Variants in EFCAB6 observed in about 807,000 individuals in gnomAD.
EFCAB6 encodes the protein EF-hand calcium-binding domain-containing protein 6.
A neutral mutation model predicts 169.8 loss-of-function variants in EFCAB6; 156 were observed. That is an observed-to-expected ratio of 0.92 (90% CI 0.81 to 1.05). EFCAB6 has a LOEUF of 1.05. Among genes scored for constraint, EFCAB6 ranks in the 50% least tolerant of loss-of-function variants. The pLI is 0.00. For synonymous variants in EFCAB6, 698 were observed against 676.4 expected, an observed-to-expected ratio of 1.03 and a Z score of -0.50; for missense variants, 1,800 against 1,829.1, an observed-to-expected ratio of 0.98 and a Z score of 0.29.
chr22:43,780,722 C>T (rs1378435775), intron 3 of EFCAB6, among the ~76,000 whole-genome samples: 1 of 152,086 alleles, frequency 6.6e-6, no homozygotes, highest in East Asian at 1.9e-4. Flanking sequence ...TAGAAATAGA[C>T]CCCTGAGTTT....
rs368492912 is a variant in EFCAB6 at position 43,590,508 on chromosome 22, C to T, written c.2877-279G>A. Among the ~76,000 whole-genome samples, 61 of 152,162 alleles carry T rather than the reference C, an allele frequency of 4.0e-4. No homozygotes were observed. In the East Asian group the frequency reaches 0.01, roughly 26 times the overall value. Reference sequence around the variant, plus strand: ...TGTACTAGAATCGGTACTTTAAAAACGGAACCAAGAATTGAAAAAGCCAGT... The same window carrying T: ...TGTACTAGAATCGGTACTTTAAAAATGGAACCAAGAATTGAAAAAGCCAGT... On this transcript the variant is annotated intron_variant, in intron 23 of 31. Transcript: ENST00000262726.
rs553747887 is a variant in EFCAB6 at position 43,773,614 on chromosome 22, G to A, written c.140-511C>T. Among the ~76,000 whole-genome samples, 101 of 152,310 alleles carry A rather than the reference G, an allele frequency of 6.6e-4. 1 individual carries two copies. The highest frequency in any genetic ancestry group is 2.4e-3 in the African/African-American group (98 of 41,564). On this transcript the variant is annotated intron_variant, in intron 3 of 31. Transcript: ENST00000262726. Reference sequence around the variant, plus strand: ...TGTAATCCCAGCACTTTGGGAGGCCGAGGCAGGCGGATCACCTGAGGTCAG... The same window carrying A: ...TGTAATCCCAGCACTTTGGGAGGCCAAGGCAGGCGGATCACCTGAGGTCAG...
chr22:43,540,512 GGCCTTCGCTCGGC>G, intron 27 of EFCAB6, 155 bp from the exon 28 acceptor site: 1 of 1,533,514 alleles, frequency 6.5e-7, no homozygotes, highest in East Asian at 2.5e-5. Context: ...ACGCCCATTT[GGCCTTCGCTCGGC>G]GGAGGCCTCA....
intron 22 of EFCAB6, among the ~76,000 whole-genome samples, chr22:43,606,140 C>T (rs1389821867): frequency 6.6e-6 from 1 of 152,186 alleles, no homozygotes; most frequent in African/African-American, 2.4e-5. Context: ...AATGTATTCT[C>T]TCTCTAGCAA....
At chr22:43,776,166 A>AG in intron 3 of EFCAB6, among the ~76,000 whole-genome samples, 1 of 152,224 alleles carries the variant, frequency 6.6e-6, no homozygotes. Flanking sequence ...TGGAGATAAG[A>AG]GAGGCTGGAG....
At chr22:43,708,383 T>G (rs1399456962) in intron 10 of EFCAB6, among the ~76,000 whole-genome samples, 1 of 150,414 alleles carries the variant, frequency 6.6e-6, no homozygotes, top group Admixed American at 6.6e-5. Flanking sequence ...GGTGACAGAG[T>G]GAGACTCTGT....
chr22:43,750,653 GCAAA>G (rs142935647), intron 6 of EFCAB6, among the ~76,000 whole-genome samples: 6,149 of 152,242 alleles, frequency 0.04, 430 homozygotes, highest in African/African-American at 0.14. Flanking sequence ...TTTTTGTTAG[GCAAA>G]CAGACTGCAT....
At chr22:43,529,938 C>T (rs1249694917) in intron 31 of EFCAB6, among the ~76,000 whole-genome samples, 1 of 152,240 alleles carries the variant, frequency 6.6e-6, no homozygotes, top group Admixed American at 6.5e-5. Flanking sequence ...TTCCTATCCA[C>T]ATTTGCGTTA....
intron 11 of EFCAB6, among the ~76,000 whole-genome samples, chr22:43,685,551 G>A (rs977049481): frequency 6.6e-6 from 1 of 152,186 alleles, no homozygotes; most frequent in Non-Finnish European, 1.5e-5. Flanking sequence ...AACTCGCTCA[G>A]TATATGAAGA....
intron 23 of EFCAB6, 37 bp from the exon 24 acceptor site, chr22:43,590,266 A>T: frequency 6.3e-7 from 1 of 1,592,746 alleles, no homozygotes; most frequent in Non-Finnish European, 8.6e-7. Flanking sequence ...CCCTAAAATC[A>T]GGAAAACAAA....
intron 2 of EFCAB6, among the ~76,000 whole-genome samples, chr22:43,804,556 CA>C (rs2062841240): frequency 6.6e-6 from 1 of 152,000 alleles, no homozygotes; most frequent in Non-Finnish European, 1.5e-5. Flanking sequence ...GCCAGGAGTT[CA>C]AAACCAGCCT....
At chr22:43,585,546 AC>A (rs1238092934) in intron 24 of EFCAB6, among the ~76,000 whole-genome samples, 2 of 152,190 alleles carry the variant, frequency 1.3e-5, no homozygotes, top group Non-Finnish European at 2.9e-5. Flanking sequence ...AAGCAAACAA[AC>A]AAAGAAACAA....
At chr22:43,736,048 A>C (rs1815827182) in intron 6 of EFCAB6, 55 bp from the exon 7 acceptor site, 1 of 1,475,174 alleles carries the variant, frequency 6.8e-7, no homozygotes. Flanking sequence ...TAGGAACCAA[A>C]TGGTAATAAA....
intron 26 of EFCAB6, among the ~76,000 whole-genome samples, chr22:43,563,503 C>T (rs867654869): frequency 6.6e-6 from 1 of 152,262 alleles, no homozygotes; most frequent in Middle Eastern, 3.4e-3. Flanking sequence ...AGGCTGATGC[C>T]ATGGCGAGGC....
At position 43,744,723 on chromosome 22, in the gene EFCAB6, C is replaced by A. The variant is rs375412521; in HGVS notation, c.508-8730G>T. ...AAAGCACTGTCCTAATTACTCCCCA[C>A]GGACCCTATAGGAGAGCTTCCCAGA... On this transcript the variant is annotated intron_variant, in intron 6 of 31. Transcript: ENST00000262726. This position sits in a 1 kb window ranked among gnomAD's most constrained non-coding sequence, Gnocchi z 4.3. 6.6e-6 allele frequency among the ~76,000 whole-genome samples: 1 copy of A among 152,164 alleles called. No homozygotes were observed. Among genetic ancestry groups the A allele is most frequent in the African/African-American group, 2.4e-5 (1 of 41,420 alleles).
chr22:43,591,059 T>A (rs1426788939), intron 23 of EFCAB6, among the ~76,000 whole-genome samples: 1 of 151,148 alleles, frequency 6.6e-6, no homozygotes, highest in African/African-American at 2.4e-5. Flanking sequence ...TCAAGGGCCA[T>A]GAAGTGCCAA....
Position 43,678,109 on chromosome 22 carries a change from C to G in EFCAB6, c.1306G>C (p.Ala436Pro). Residue 436 changes from alanine to proline, a missense_variant, in exon 13 of 32, where the codon GCT becomes CCT. Transcript: ENST00000262726. ...EEFRYILNCM[A>P]VKLSDSEFKE... ...AATTCTGAATCGCTTAGTTTTACAGCCATGCAATTTAGAATATATCGAAAT... is the reference window on the plus strand; with the variant it reads ...AATTCTGAATCGCTTAGTTTTACAGGCATGCAATTTAGAATATATCGAAAT... The G allele has an allele frequency of 6.2e-7, 1 of 1,613,178 alleles. No individual in the cohort carries two copies. The highest frequency in any genetic ancestry group is 8.5e-7 in the Non-Finnish European group (1 of 1,179,898).
chr22:43,536,387 A>G (rs2047384536), intron 29 of EFCAB6: 1 of 152,346 alleles, frequency 6.6e-6, no homozygotes, highest in East Asian at 1.9e-4. Context: ...TTTTAAGGTC[A>G]TGATTATGAT....
In EFCAB6 at chr22:43,549,679, A is replaced by T. The variant is rs6006550; in HGVS notation, c.3648+5190T>A. Among the ~76,000 whole-genome samples, 992 of 152,350 alleles carry T rather than the reference A, an allele frequency of 6.5e-3. 14 individuals are homozygous for T. The highest frequency in any genetic ancestry group is 0.023 in the African/African-American group (950 of 41,580). On this transcript the variant is annotated intron_variant, in intron 27 of 31. Coordinates refer to ENST00000262726, the MANE Select transcript of EFCAB6 (RefSeq NM_022785.4). The stretch of plus-strand genomic sequence containing the variant: ...AAAAAGGGGATTAACTAAAAATGCC[A>T]TCTCCAAAGCTAGTGTAATATTGAT...
Sources: gnomAD v4.1 joint callset for allele counts (sites outside exome capture counted in the v4.1 genomes callset) on GRCh38, gnomAD v4.1.1 for gene constraint, Gnocchi (gnomAD v3.1) non-coding constraint, MANE v1.5 for transcripts, NCBI Gene and HGNC (gene_info 2026-07-23, HGNC 2026-07-21) for gene names.